Variants in DES observed in about 807,000 individuals in gnomAD.
DES encodes desmin.
DES carries 34 observed loss-of-function variants against 55.1 expected under a neutral mutation model. The observed-to-expected ratio is 0.62, with a 90% CI of 0.47 to 0.82. The LOEUF (loss-of-function observed/expected upper bound fraction) is 0.82. Ranked by LOEUF, DES falls within the 40% of genes least tolerant of loss-of-function variation. The probability of loss-of-function intolerance (pLI) is 0.00; values close to 1 mark genes in which losing one functional copy is unlikely to be tolerated. For synonymous variants in DES, 259 were observed against 270.8 expected, an observed-to-expected ratio of 0.96 and a Z score of 0.43; for missense variants, 596 against 645.9, an observed-to-expected ratio of 0.92 and a Z score of 0.84.
At chr2:219,423,856 A>G in intron 7 of DES, 36 bp downstream of exon 7, 2 of 1,611,082 alleles carry the variant, frequency 1.2e-6, no homozygotes, top group Non-Finnish European at 1.7e-6. Context: ...CTGGAGTTGC[A>G]GGGGCCAGGA....
At position 219,418,639 on chromosome 2, in the gene DES, G is replaced by T. The variant is rs1402134166; in HGVS notation, c.177G>T (p.Thr59=). The part of the protein sequence containing the change: ...VTSRVYQVSR[T]SGGAGGLGSL... ...CCCGCGTGTACCAGGTGTCGCGCAC[G>T]TCGGGCGGGGCCGGGGGCCTGGGGT... Residue 59 remains threonine, a synonymous_variant, in exon 1 of 9, where the codon ACG becomes ACT. Coordinates refer to ENST00000373960, the MANE Select transcript of DES (RefSeq NM_001927.4). The T allele has an allele frequency of 1.9e-6, 3 of 1,598,382 alleles. No individual in the cohort carries two copies. The highest frequency in any genetic ancestry group is 2.6e-6 in the Non-Finnish European group (3 of 1,172,996).
At chr2:219,423,221 T>C (rs547996410) in intron 6 of DES, among the ~76,000 whole-genome samples, 1 of 152,140 alleles carries the variant, frequency 6.6e-6, no homozygotes, top group East Asian at 1.9e-4. Flanking sequence ...CGCGGTGGGG[T>C]TGCACATCCT....
chr2:219,423,713 A>C, intron 6 of DES, 64 bp from the exon 7 acceptor site: 1 of 1,529,856 alleles, frequency 6.5e-7, no homozygotes, highest in Non-Finnish European at 9.1e-7. Flanking sequence ...TGCTGGGATT[A>C]CAGCTGGGCC....
intron 7 of DES, 35 bp from the exon 8 acceptor site, chr2:219,425,628 T>A (rs759105782): frequency 6.5e-7 from 1 of 1,541,044 alleles, no homozygotes; most frequent in Admixed American, 2.0e-5. Flanking sequence ...AGCCTGGACT[T>A]GGTCAGGCTG....
chr2:219,420,223 C>A lies in DES; in HGVS notation c.640-28C>A. ...TCTGCCCCACCTGGGTGGCGGTGAC[C>A]ATGTCCTTCTCGCTTGGCCTCTCCC... On this transcript the variant is annotated intron_variant, in intron 2 of 8. Coordinates refer to ENST00000373960, the MANE Select transcript of DES (RefSeq NM_001927.4). This position sits in a 1 kb window ranked among gnomAD's most constrained non-coding sequence, Gnocchi z 6.0. 2.5e-6 allele frequency: 4 copies of A among 1,614,134 alleles called. No homozygotes were observed. The highest frequency in any genetic ancestry group is 3.4e-6 in the Non-Finnish European group (4 of 1,179,952).
intron 6 of DES, among the ~76,000 whole-genome samples, chr2:219,422,869 GTAAATT>G (rs1235278001): frequency 7.2e-5 from 11 of 152,182 alleles, no homozygotes; most frequent in Non-Finnish European, 1.5e-5. Context: ...TTCACTGTAT[GTAAATT>G]TAACCTCAAT....
In DES at chr2:219,418,886, C is replaced by A. The variant is rs1954376037; in HGVS notation, c.424C>A (p.Arg142=). Residue 142 remains arginine, a synonymous_variant, in exon 1 of 9, where the codon CGG becomes AGG. Coordinates refer to ENST00000373960, the MANE Select transcript of DES (RefSeq NM_001927.4). The part of the protein sequence containing the change: ...QNAALAAEVN[R]LKGREPTRVA... The stretch of plus-strand genomic sequence containing the variant: ...CGCGGCGCTCGCCGCCGAAGTGAAC[C>A]GGCTCAAGGGCCGCGAGCCGACGCG... 2 of 1,569,242 alleles carry A rather than the reference C, an allele frequency of 1.3e-6. No homozygotes were observed. The highest frequency in any genetic ancestry group is 1.2e-5 in the South Asian group (1 of 85,680).
intron 7 of DES, 53 bp from the exon 8 acceptor site, chr2:219,425,608 GGT>G (rs1954520716): frequency 6.6e-7 from 1 of 1,505,872 alleles, no homozygotes; most frequent in Non-Finnish European, 9.0e-7. Context: ...CCCAGCCCCT[GGT>G]ATAGCCCAGC....
rs748158450 is a variant in DES at position 219,418,527 on chromosome 2, C to G, written c.65C>G (p.Pro22Arg). 7.5e-6 allele frequency: 12 copies of G among 1,603,646 alleles called. No homozygotes were observed. The East Asian group carries it at 1.6e-4, about 21-fold the overall frequency. The change falls in exon 1 of 9, where the codon CCG becomes CGG. Residue 22 changes from proline to arginine, a missense_variant. Transcript: ENST00000373960. ...SSYRRTFGGA[P>R]GFPLGSPLSS... ...TACCGCCGCACCTTCGGCGGGGCCC[C>G]GGGCTTCCCACTCGGCTCCCCGCTG...
At position 219,420,601 on chromosome 2, in the gene DES, A is replaced by G; in HGVS notation, c.842A>G (p.Tyr281Cys). ...TAALRDIRAQYETIAAKNISE... is the reference protein window; with the variant it reads ...TAALRDIRAQCETIAAKNISE... Reference sequence around the variant, plus strand: ...GCCCTCAGGGACATCCGGGCTCAGTATGAGACCATCGCGGCTAAGAACATT... The same window carrying G: ...GCCCTCAGGGACATCCGGGCTCAGTGTGAGACCATCGCGGCTAAGAACATT... The change falls in exon 4 of 9, where the codon TAT (tyrosine) becomes TGT (cysteine). Residue 281 changes from tyrosine to cysteine, a missense_variant. Coordinates refer to ENST00000373960, the MANE Select transcript of DES (RefSeq NM_001927.4). This position sits in a 1 kb window ranked among gnomAD's most constrained non-coding sequence, Gnocchi z 6.0. 6.2e-7 allele frequency: 1 copy of G among 1,614,082 alleles called. No individual in the cohort carries two copies. The highest frequency in any genetic ancestry group is 8.5e-7 in the Non-Finnish European group (1 of 1,180,028).
Position 219,418,445 on chromosome 2 carries a change from CT to C in DES, c.-17del. On this transcript the variant is annotated 5_prime_UTR_variant, in exon 1 of 9. Transcript: ENST00000373960. ...CCGCCTCCTCCGTGCGCCCGCCAGC[CT>C]CGCCCGCGCCGTCACCATGAGCCAG... 1 of 1,572,046 alleles carries C rather than the reference CT, an allele frequency of 6.4e-7. No homozygotes were observed. The highest frequency in any genetic ancestry group is 8.6e-7 in the Non-Finnish European group (1 of 1,168,204).
At position 219,423,774 on chromosome 2, in the gene DES, T is replaced by G. The variant is rs111427762; in HGVS notation, c.1245-3T>G. 3 of 1,613,812 alleles carry G rather than the reference T, an allele frequency of 1.9e-6. No homozygotes were observed. The highest frequency in any genetic ancestry group is 2.5e-6 in the Non-Finnish European group (3 of 1,179,776). On this transcript the variant is annotated splice_region_variant and splice_polypyrimidine_tract_variant and intron_variant, in intron 6 of 8. Coordinates refer to ENST00000373960, the MANE Select transcript of DES (RefSeq NM_001927.4). ...TTAGGAGGTTTTGTCTCTTCCCTTTTAGGATCAATCTCCCCATCCAGACCT... is the reference window on the plus strand; with the variant it reads ...TTAGGAGGTTTTGTCTCTTCCCTTTGAGGATCAATCTCCCCATCCAGACCT...
At position 219,425,651 on chromosome 2, in the gene DES, A is replaced by T; in HGVS notation, c.1289-12A>T. ...CTTGGTCAGGCTGAGTGTGCGATGG[A>T]CCCTGTTACAGAAACCAGCCCTGAG... On this transcript the variant is annotated splice_polypyrimidine_tract_variant and intron_variant, in intron 7 of 8. Coordinates refer to ENST00000373960, the MANE Select transcript of DES (RefSeq NM_001927.4). The T allele has an allele frequency of 6.4e-7, 1 of 1,563,256 alleles. No homozygotes were observed. Among genetic ancestry groups the T allele is most frequent in the Non-Finnish European group, 8.7e-7 (1 of 1,153,274 alleles).
chr2:219,421,670 T>A (rs1442224423), intron 6 of DES, 110 bp downstream of exon 6: 20 of 286,690 alleles, frequency 7.0e-5, no homozygotes, highest in Non-Finnish European at 1.1e-4. Context: ...CTGGAAACAA[T>A]TTTTTTTTTT....
At position 219,423,836 on chromosome 2, in the gene DES, C is replaced by T; in HGVS notation, c.1288+16C>T. The T allele has an allele frequency of 1.2e-6, 2 of 1,613,506 alleles. No individual in the cohort carries two copies. The highest frequency in any genetic ancestry group is 2.2e-5 in the East Asian group (1 of 44,854). On this transcript the variant is annotated intron_variant, in intron 7 of 8. Transcript: ENST00000373960. Reference sequence around the variant, plus strand: ...AACTTCCGAGGTGAGTGTCTGCTGGCAGGCGGAGGCTGGAGTTGCAGGGGC... The same window carrying T: ...AACTTCCGAGGTGAGTGTCTGCTGGTAGGCGGAGGCTGGAGTTGCAGGGGC...
rs748323823 is a variant in DES, at chr2:219,425,746, G to A, written c.1371+1G>A. On this transcript the variant is annotated splice_donor_variant, in intron 8 of 8. Coordinates refer to ENST00000373960, the MANE Select transcript of DES (RefSeq NM_001927.4). LOFTEE classifies it high-confidence loss of function. ...GACCATCGAGACACGGGATGGGGAG[G>A]TAAGTGGTCTGTCTGGGCTCCTTAC... 2.4e-5 allele frequency: 39 copies of A among 1,605,818 alleles called. No individual in the cohort carries two copies. The highest frequency in any genetic ancestry group is 4.3e-6 in the Non-Finnish European group (5 of 1,176,272).
At position 219,419,272 on chromosome 2, in the gene DES, G is replaced by A. The variant is rs1418923433; in HGVS notation, c.578+232G>A. ...AGTTTTCTTGGGGACATAGATCAGGGGGTGGATATGGGAGAATTTAGGGGA... is the reference window on the plus strand; with the variant it reads ...AGTTTTCTTGGGGACATAGATCAGGAGGTGGATATGGGAGAATTTAGGGGA... On this transcript the variant is annotated intron_variant, in intron 1 of 8. Transcript: ENST00000373960. The surrounding 1 kb of genome is among the most constrained non-coding windows in gnomAD (Gnocchi z 4.3). Among the ~76,000 whole-genome samples, 3 of 152,244 alleles carry A rather than the reference G, an allele frequency of 2.0e-5. No homozygotes were observed. Among genetic ancestry groups the A allele is most frequent in the Non-Finnish European group, 4.4e-5 (3 of 68,040 alleles).
intron 6 of DES, among the ~76,000 whole-genome samples, chr2:219,423,137 G>A (rs1954473614): frequency 6.6e-6 from 1 of 152,196 alleles, no homozygotes; most frequent in Non-Finnish European, 1.5e-5. Flanking sequence ...ATGAGCAATG[G>A]ATATCACCCA....
chr2:219,420,571 C>T lies in DES; in HGVS notation c.812C>T (p.Thr271Ile), dbSNP rs776995850. The change falls in exon 4 of 9, where the codon ACT becomes ATT. Residue 271 changes from threonine to isoleucine, a missense_variant. Physicochemically the swap from Thr to Ile is moderately conservative, Grantham distance 89 (BLOSUM62 -1). Transcript: ENST00000373960. This position sits in a 1 kb window ranked among gnomAD's most constrained non-coding sequence, Gnocchi z 6.0. ...ATGGACATGTCTAAGCCAGACCTCACTGCCGCCCTCAGGGACATCCGGGCT... is the reference window on the plus strand; with the variant it reads ...ATGGACATGTCTAAGCCAGACCTCATTGCCGCCCTCAGGGACATCCGGGCT... ...VEMDMSKPDLTAALRDIRAQY... is the reference protein window; with the variant it reads ...VEMDMSKPDLIAALRDIRAQY... The T allele has an allele frequency of 6.2e-7, 1 of 1,614,010 alleles. No individual in the cohort carries two copies.
Sources: gnomAD v4.1 joint callset for allele counts (sites outside exome capture counted in the v4.1 genomes callset) on GRCh38, gnomAD v4.1.1 for gene constraint, Gnocchi (gnomAD v3.1) non-coding constraint, MANE v1.5 for transcripts, NCBI Gene and HGNC (gene_info 2026-07-23, HGNC 2026-07-21) for gene names.